Variants in ROBO1 observed in about 807,000 individuals in gnomAD.
ROBO1 encodes the protein roundabout guidance receptor 1.
A neutral mutation model predicts 195.9 loss-of-function variants in ROBO1; 149 were observed. The ratio of observed to expected loss-of-function variants is 0.76; its 90% confidence interval spans 0.67 to 0.87. The LOEUF (loss-of-function observed/expected upper bound fraction) is 0.87, where lower values mean the gene tolerates loss of function less well. ROBO1 is among the 40% of genes least tolerant of loss of function. The probability of loss-of-function intolerance (pLI) is 0.00; values close to 1 mark genes in which losing one functional copy is unlikely to be tolerated. For missense variants in ROBO1, 1,933 were observed against 2,068.3 expected, an observed-to-expected ratio of 0.93 and a Z score of 1.27; for synonymous variants, 816 against 733.2, an observed-to-expected ratio of 1.11 and a Z score of -1.82.
At position 78,962,347 on chromosome 3, in the gene ROBO1, ATATAAG is replaced by A. The variant is rs569699319; in HGVS notation, c.173-23426_173-23421del. ...TTAGAAGAGGGTCTAATCTTTAAAA[ATATAAG>A]TATAATTTTCTTTACTTTTTTGGTG... On this transcript the variant is annotated intron_variant, in intron 3 of 30. Transcript: ENST00000464233. 1.9e-3 allele frequency among the ~76,000 whole-genome samples: 292 copies of A among 152,348 alleles called. 1 individual carries two copies. The highest frequency in any genetic ancestry group is 0.017 in the Middle Eastern group (5 of 294).
intron 4 of ROBO1, among the ~76,000 whole-genome samples, chr3:78,791,061 G>A (rs1304933722): frequency 6.6e-6 from 1 of 152,186 alleles, no homozygotes; most frequent in Admixed American, 6.5e-5. Flanking sequence ...TCTTCCCTCA[G>A]TCTCGTGGAG....
intron 5 of ROBO1, among the ~76,000 whole-genome samples, chr3:78,743,798 A>G (rs2082589982): frequency 6.6e-6 from 1 of 152,112 alleles, no homozygotes; most frequent in Non-Finnish European, 1.5e-5. Flanking sequence ...CAGAGTGGTA[A>G]AGAGAGTACT....
intron 2 of ROBO1, among the ~76,000 whole-genome samples, chr3:79,507,317 G>A (rs892614593): frequency 1.7e-4 from 26 of 152,190 alleles, no homozygotes; most frequent in African/African-American, 5.8e-4. Context: ...GTGAGTCCCC[G>A]GTATACACAA....
At chr3:79,602,971 C>G (rs1944381487) in intron 1 of ROBO1, among the ~76,000 whole-genome samples, 1 of 151,930 alleles carries the variant, frequency 6.6e-6, no homozygotes, top group African/African-American at 2.4e-5. Flanking sequence ...AAATACATAA[C>G]TATTCATCTT....
chr3:78,974,830 A>G (rs2076850588), intron 3 of ROBO1, among the ~76,000 whole-genome samples: 1 of 152,200 alleles, frequency 6.6e-6, no homozygotes, highest in Non-Finnish European at 1.5e-5. Context: ...AAATGAAGAC[A>G]AGCAAATATT....
At chr3:79,287,764 G>T (rs895884844) in intron 2 of ROBO1, among the ~76,000 whole-genome samples, 20 of 152,154 alleles carry the variant, frequency 1.3e-4, no homozygotes, top group African/African-American at 4.3e-4. Flanking sequence ...AATTTGAAAA[G>T]AAAGGGGAAA....
chr3:79,582,121 T>C (rs1943680958), intron 2 of ROBO1, among the ~76,000 whole-genome samples: 1 of 151,734 alleles, frequency 6.6e-6, no homozygotes, highest in Admixed American at 6.6e-5. Context: ...AAATACAGGT[T>C]TTAAAATCAA....
chr3:78,673,591 TATATATATATATATAC>T (rs368695627), intron 10 of ROBO1, among the ~76,000 whole-genome samples: 17,597 of 89,714 alleles, frequency 0.2, 1,691 homozygotes, highest in East Asian at 0.42. Flanking sequence ...TATATATATA[TATATATATATATATAC>T]ACACATATAT....
intron 2 of ROBO1, among the ~76,000 whole-genome samples, chr3:79,126,210 GTTGGATATTTTAAAACATTCCAAAGTA>G (rs2080212958): frequency 6.6e-6 from 1 of 152,068 alleles, no homozygotes; most frequent in Admixed American, 6.6e-5. Flanking sequence ...GATATTTTGG[GTTGGATATTTTAAAACATTCCAAAGTA>G]TTGGATATTT....
At chr3:78,907,013 A>G (rs560741122) in intron 4 of ROBO1, among the ~76,000 whole-genome samples, 1 of 152,134 alleles carries the variant, frequency 6.6e-6, no homozygotes, top group African/African-American at 2.4e-5. Context: ...CAGCTTCATA[A>G]AGACATCGAG....
At chr3:78,642,172 T>A (rs900498537) in intron 21 of ROBO1, among the ~76,000 whole-genome samples, 7 of 152,174 alleles carry the variant, frequency 4.6e-5, no homozygotes, top group African/African-American at 1.7e-4. Flanking sequence ...TATTATCATG[T>A]AATATTATCA....
At chr3:79,237,312 G>A (rs926744030) in intron 2 of ROBO1, among the ~76,000 whole-genome samples, 1 of 151,852 alleles carries the variant, frequency 6.6e-6, no homozygotes, top group Non-Finnish European at 1.5e-5. Context: ...GAAACTCCGT[G>A]TCTACTAAAA....
intron 3 of ROBO1, among the ~76,000 whole-genome samples, chr3:78,997,152 C>T (rs2077386791): frequency 6.6e-6 from 1 of 152,146 alleles, no homozygotes; most frequent in South Asian, 2.1e-4. Context: ...TAGTGCTGGA[C>T]TTGACAAACC....
chr3:79,279,286 CA>C (rs917550505), intron 2 of ROBO1, among the ~76,000 whole-genome samples: 4 of 151,424 alleles, frequency 2.6e-5, no homozygotes, highest in African/African-American at 9.7e-5. Flanking sequence ...AACAAACAAA[CA>C]AAAAAACAAA....
chr3:79,433,738 T>C (rs1484387226), intron 2 of ROBO1, among the ~76,000 whole-genome samples: 1 of 152,152 alleles, frequency 6.6e-6, no homozygotes, highest in Non-Finnish European at 1.5e-5. Context: ...GAGCCCACAT[T>C]GCCAAGACAA....
intron 4 of ROBO1, among the ~76,000 whole-genome samples, chr3:78,869,185 C>T (rs946404136): frequency 2.6e-5 from 4 of 151,912 alleles, no homozygotes; most frequent in African/African-American, 9.7e-5. Flanking sequence ...ACCGTTATAA[C>T]CCCAATATTT....
intron 18 of ROBO1, among the ~76,000 whole-genome samples, chr3:78,656,397 C>T (rs539484696): frequency 7.5e-6 from 1 of 132,780 alleles, no homozygotes; most frequent in East Asian, 2.2e-4. Context: ...GTCGCCCAGG[C>T]TGGAGTGCAG....
At chr3:78,954,328 T>C (rs2040934338) in intron 3 of ROBO1, among the ~76,000 whole-genome samples, 1 of 151,998 alleles carries the variant, frequency 6.6e-6, no homozygotes, top group African/African-American at 2.4e-5. Flanking sequence ...ACACTAGTGC[T>C]TTTAAAATAT....
rs190313124 is a variant in ROBO1, at chr3:79,195,772, A to C, written c.89-70233T>G. Among the ~76,000 whole-genome samples the C allele has an allele frequency of 1.3e-4, 20 of 151,494 alleles. 1 individual carries two copies. In the South Asian group the frequency reaches 3.7e-3, roughly 28 times the overall value. On this transcript the variant is annotated intron_variant, in intron 2 of 30. Coordinates refer to ENST00000464233, the MANE Select transcript of ROBO1 (RefSeq NM_002941.4). ...TCTTTGTTTTTTTCAGAAAACCCAA[A>C]GGCCAACTCAGAAACACTATACTGC... is the stretch of plus-strand genomic sequence containing the variant.
Sources: gnomAD v4.1 joint callset for allele counts (sites outside exome capture counted in the v4.1 genomes callset) on GRCh38, gnomAD v4.1.1 for gene constraint, MANE v1.5 for transcripts, NCBI Gene and HGNC (gene_info 2026-07-23, HGNC 2026-07-21) for gene names.